Variants in FREM3 observed in about 807,000 individuals in gnomAD.
FREM3 encodes the protein FRAS1-related extracellular matrix protein 3.
FREM3 carries 105 observed loss-of-function variants against 129.1 expected under a neutral mutation model. The observed-to-expected ratio is 0.81, with a 90% confidence interval of 0.69 to 0.96. The LOEUF (loss-of-function observed/expected upper bound fraction) is 0.96. Among genes scored for constraint, FREM3 ranks in the 40% least tolerant of loss-of-function variants. FREM3 has a pLI of 0.00. For synonymous variants in FREM3, 1,014 were observed against 1,044.9 expected (o/e 0.97, Z 0.57); for missense variants, 2,593 against 2,666.3 (o/e 0.97, Z 0.61).
Position 143,695,538 on chromosome 4 carries a change from A to G in FREM3, c.5138T>C (p.Ile1713Thr), listed in dbSNP as rs1740548861. 1 of 1,537,324 alleles carries G rather than the reference A, an allele frequency of 6.5e-7. No individual in the cohort carries two copies. The highest frequency in any genetic ancestry group is 2.0e-5 in the Admixed American group (1 of 50,984). Residue 1713 changes from isoleucine (I) to threonine (T), a missense_variant, in exon 1 of 8, where the codon ATT becomes ACT. Coordinates refer to ENST00000329798, the MANE Select transcript of FREM3 (RefSeq NM_001168235.2). ...KVTRGPEHGFIIKTGLGNQST... is the reference protein window; with the variant it reads ...KVTRGPEHGFTIKTGLGNQST... ...CTGGTTTCCAAGGCCAGTTTTGATA[A>G]TGAAGCCATGCTCTGGTCCTCTGGT...
intron 2 of FREM3, among the ~76,000 whole-genome samples, chr4:143,648,292 G>C (rs1739454310): frequency 6.6e-6 from 1 of 152,206 alleles, no homozygotes; most frequent in African/African-American, 2.4e-5. Context: ...GATTTGCCTT[G>C]TCTCAGATGA....
intron 2 of FREM3, among the ~76,000 whole-genome samples, chr4:143,675,640 C>T (rs1325802211): frequency 2.0e-5 from 3 of 151,964 alleles, no homozygotes; most frequent in African/African-American, 7.3e-5. Context: ...TGATAGACTG[C>T]TAGAAGGACT....
intron 1 of FREM3, 138 bp from the exon 2 acceptor site, chr4:143,693,340 C>A: frequency 2.3e-6 from 1 of 436,674 alleles, no homozygotes; most frequent in Non-Finnish European, 4.0e-6. Flanking sequence ...GAACATGAAT[C>A]TTCTTAAAGC....
chr4:143,658,956 C>T (rs1254745442), intron 2 of FREM3, among the ~76,000 whole-genome samples: 1 of 151,856 alleles, frequency 6.6e-6, no homozygotes, highest in Non-Finnish European at 1.5e-5. Context: ...TCCCTTTATG[C>T]ATCTCCACTG....
intron 6 of FREM3, among the ~76,000 whole-genome samples, chr4:143,594,499 A>G (rs896098841): frequency 2.6e-5 from 4 of 152,224 alleles, no homozygotes; most frequent in Admixed American, 6.5e-5. Context: ...GAATTTGTCA[A>G]ATGGACATTT....
intron 2 of FREM3, among the ~76,000 whole-genome samples, chr4:143,638,842 A>G (rs1739275807): frequency 6.6e-6 from 1 of 152,180 alleles, no homozygotes; most frequent in Non-Finnish European, 1.5e-5. Context: ...CAGCAAAAGG[A>G]AATGTGGCCA....
chr4:143,651,506 C>G (rs986067165), intron 2 of FREM3, among the ~76,000 whole-genome samples: 10 of 152,310 alleles, frequency 6.6e-5, no homozygotes, highest in African/African-American at 2.4e-4. Context: ...AATGCACACA[C>G]GGAACAAAAT....
chr4:143,651,504 C>T (rs953137608), intron 2 of FREM3, among the ~76,000 whole-genome samples: 1 of 152,234 alleles, frequency 6.6e-6, no homozygotes, highest in Admixed American at 6.5e-5. Flanking sequence ...GAAATGCACA[C>T]ACGGAACAAA....
intron 7 of FREM3, among the ~76,000 whole-genome samples, chr4:143,581,830 C>T (rs1005202104): frequency 6.6e-6 from 1 of 152,156 alleles, no homozygotes; most frequent in Non-Finnish European, 1.5e-5. Context: ...GGGTGGAGCT[C>T]CCAGAGGCAA....
Position 143,621,034 on chromosome 4 carries a change from T to C in FREM3, c.5779+3A>G. 1 of 1,537,350 alleles carries C rather than the reference T, an allele frequency of 6.5e-7. No homozygotes were observed. Among genetic ancestry groups the C allele is most frequent in the Non-Finnish European group, 8.7e-7 (1 of 1,146,868 alleles). The stretch of plus-strand genomic sequence containing the variant: ...ATGAACAGGACCCCACAGAGCCTCA[T>C]ACCTTGACGTGTGGAGCAAATGACG... On this transcript the variant is annotated splice_donor_region_variant and intron_variant, in intron 5 of 7. Coordinates refer to ENST00000329798, the MANE Select transcript of FREM3 (RefSeq NM_001168235.2).
chr4:143,695,569 T>C lies in FREM3; in HGVS notation c.5107A>G (p.Lys1703Glu). 6.5e-7 allele frequency: 1 copy of C among 1,537,384 alleles called. No homozygotes were observed. Among genetic ancestry groups the C allele is most frequent in the Admixed American group, 2.0e-5 (1 of 51,008 alleles). ...QDSPHRLLKY[K>E]VTRGPEHGFI... is the part of the protein sequence containing the mutation. The stretch of plus-strand genomic sequence containing the variant: ...CCATGCTCTGGTCCTCTGGTCACTT[T>C]ATACTTCAGAAGCCTGTGGGGACTG... Residue 1703 changes from lysine (K) to glutamate (E), a missense_variant, in exon 1 of 8, where the codon AAA (lysine) becomes GAA (glutamate). Physicochemically the swap from Lys to Glu is moderately conservative, Grantham distance 56 (BLOSUM62 1). Around this residue, in one of 2 missense-constraint regions of FREM3, gnomAD observed 2,276 missense variants for 2,267.2 expected, o/e 1.00. Transcript: ENST00000329798.
intron 2 of FREM3, among the ~76,000 whole-genome samples, chr4:143,637,479 C>T (rs1489362684): frequency 2.0e-5 from 3 of 152,006 alleles, no homozygotes; most frequent in African/African-American, 7.2e-5. Flanking sequence ...GGGTATTATT[C>T]CACTTGATTG....
chr4:143,652,522 T>TA (rs1739531315), intron 2 of FREM3, among the ~76,000 whole-genome samples: 1 of 152,112 alleles, frequency 6.6e-6, no homozygotes, highest in African/African-American at 2.4e-5. Context: ...TAACGAGCAA[T>TA]AGAAATGAAA....
chr4:143,613,739 A>G (rs1474324909), intron 5 of FREM3, among the ~76,000 whole-genome samples: 1 of 152,230 alleles, frequency 6.6e-6, no homozygotes, highest in African/African-American at 2.4e-5. Context: ...TCAAGTGTGC[A>G]TTATGTTGGT....
Position 143,611,381 on chromosome 4 carries a change from C to T in FREM3, c.5926G>A (p.Glu1976Lys), listed in dbSNP as rs781351513. 6.5e-6 allele frequency: 10 copies of T among 1,537,062 alleles called. No homozygotes were observed. The highest frequency in any genetic ancestry group is 7.8e-6 in the Non-Finnish European group (9 of 1,146,852). Residue 1976 changes from glutamate to lysine, a missense_variant, in exon 6 of 8, where the codon GAG becomes AAG. By Grantham distance (56) the Glu-to-Lys change is moderately conservative. Around this residue, in one of 2 missense-constraint regions of FREM3, gnomAD observed 317 missense variants for 399.0 expected, o/e 0.79. Coordinates refer to ENST00000329798, the MANE Select transcript of FREM3 (RefSeq NM_001168235.2). ...AGTGAAACGCTGAAGGATTCCTCCT[C>T]TTCATAAAGGGAGTCATCAATGATC... ...VLIIDDSLYEEEESFSVSLRL... is the reference protein window; with the variant it reads ...VLIIDDSLYEKEESFSVSLRL...
intron 3 of FREM3, among the ~76,000 whole-genome samples, chr4:143,626,320 A>G (rs947931239): frequency 9.2e-5 from 14 of 152,154 alleles, no homozygotes; most frequent in Admixed American, 3.3e-4. Flanking sequence ...GAAGACAAAT[A>G]GACACATGAT....
In FREM3 at chr4:143,659,091, TA is replaced by T. The variant is rs1553967852; in HGVS notation, c.5276-31332del. 2.4e-4 allele frequency among the ~76,000 whole-genome samples: 7 copies of T among 29,228 alleles called. No homozygotes were observed. The South Asian group carries it at 3.7e-3, about 16-fold the overall frequency. 19.2% of individuals were successfully genotyped at this position (29,228 alleles called of 152,430 possible). On this transcript the variant is annotated intron_variant, in intron 2 of 7. Transcript: ENST00000329798. ...CTTTATTTTATTTATTATTTTTATT[TA>T]TTATTATTATTATTATTATTATACT... is the stretch of plus-strand genomic sequence containing the variant.
chr4:143,644,197 G>C (rs1739374325), intron 2 of FREM3, among the ~76,000 whole-genome samples: 1 of 152,016 alleles, frequency 6.6e-6, no homozygotes, highest in Non-Finnish European at 1.5e-5. Flanking sequence ...GTGTGTGTGT[G>C]TGTGCGCGTG....
intron 2 of FREM3, among the ~76,000 whole-genome samples, chr4:143,646,800 A>G (rs72940235): frequency 6.6e-6 from 1 of 152,166 alleles, no homozygotes; most frequent in Non-Finnish European, 1.5e-5. Flanking sequence ...GGGTTCTTCT[A>G]TAAAGATACC....
Sources: allele counts gnomAD v4.1 joint callset (sites outside exome capture counted in the v4.1 genomes callset), GRCh38; gene constraint gnomAD v4.1.1; regional missense constraint gnomAD v4.1.1; transcripts MANE v1.5; gene names NCBI Gene and HGNC (gene_info 2026-07-23, HGNC 2026-07-21).